Variants in SLC38A10 observed in about 807,000 individuals in gnomAD.
SLC38A10 encodes Sodium-coupled neutral amino acid transporter 10.
SLC38A10 carries 53 observed loss-of-function variants against 81.0 expected under a neutral mutation model. The ratio of observed to expected loss-of-function variants is 0.65; its 90% CI spans 0.53 to 0.82. The LOEUF is 0.82. Among genes scored for constraint, SLC38A10 ranks in the 40% least tolerant of loss-of-function variants. The pLI, the probability that SLC38A10 is intolerant of heterozygous loss-of-function variation, is 0.00. For missense variants in SLC38A10, 1,471 were observed against 1,545.0 expected (o/e 0.95, Z 0.80); for synonymous variants, 665 against 655.3 (o/e 1.01, Z -0.23).
intron 8 of SLC38A10, among the ~76,000 whole-genome samples, chr17:81,273,324 G>A (rs1458370367): frequency 1.3e-5 from 2 of 152,098 alleles, no homozygotes; most frequent in African/African-American, 4.8e-5. Context: ...CTCTAGTACA[G>A]GACACAGGAG....
Position 81,289,604 on chromosome 17 carries a change from A to G in SLC38A10, c.217+87T>C. ...CCTGCTATCCAAGGAATTCTTGAAG[A>G]ATCAAGTAGAGTAAATAAATAAATA... is the stretch of plus-strand genomic sequence containing the variant. On this transcript the variant is annotated intron_variant, in intron 2 of 15. Transcript: ENST00000374759. This position sits in a 1 kb window ranked among gnomAD's most constrained non-coding sequence, Gnocchi z 5.9. 3 of 884,586 alleles carry G rather than the reference A, an allele frequency of 3.4e-6. No homozygotes were observed. The African/African-American group carries it at 5.2e-5, about 15-fold the overall frequency. 54.8% of individuals were successfully genotyped at this position (884,586 alleles called of 1,614,324 possible).
intron 9 of SLC38A10, among the ~76,000 whole-genome samples, chr17:81,271,309 A>G (rs895399934): frequency 3.3e-5 from 5 of 152,198 alleles, no homozygotes; most frequent in African/African-American, 1.2e-4. Context: ...TGCGCACGGC[A>G]CGGCTCCTGC....
rs142561969 is a variant in SLC38A10 at position 81,259,254 on chromosome 17, G to A, written c.1288+984C>T. ...CTGGCCAGCACCTCCATAGCCGCCT[G>A]AGACCCCCAGCCAGAGCCGGCACTG... On this transcript the variant is annotated intron_variant, in intron 11 of 15. Transcript: ENST00000374759. 2.9e-3 allele frequency among the ~76,000 whole-genome samples: 446 copies of A among 152,298 alleles called. 2 individuals carry two copies. Among genetic ancestry groups the A allele is most frequent in the African/African-American group, 8.8e-3 (365 of 41,556 alleles).
In SLC38A10 at chr17:81,245,194, G is replaced by A. The variant is rs564250758; in HGVS notation, c.*362C>T. The A allele has an allele frequency of 1.1e-4, 27 of 246,286 alleles. No individual in the cohort carries two copies. Among genetic ancestry groups the A allele is most frequent in the Middle Eastern group, 1.3e-3 (1 of 774 alleles). 15.3% of individuals were successfully genotyped at this position (246,286 alleles called of 1,614,324 possible). On this transcript the variant is annotated 3_prime_UTR_variant, in exon 16 of 16. Coordinates refer to ENST00000374759, the MANE Select transcript of SLC38A10 (RefSeq NM_001037984.3). ...GCCGAGCTCAACCCGAAGACCACGC[G>A]TGCTCCCTGGCAGGAGCAGGAGGCC...
intron 6 of SLC38A10, among the ~76,000 whole-genome samples, chr17:81,278,801 C>T (rs1251490438): frequency 6.6e-6 from 1 of 152,186 alleles, no homozygotes; most frequent in Admixed American, 6.5e-5. Context: ...GCCCCCAATA[C>T]ACCCTGTGGG....
rs1353679196 is a variant in SLC38A10, at chr17:81,283,101, C to T, written c.357+308G>A. Among the ~76,000 whole-genome samples, 2 of 152,182 alleles carry T rather than the reference C, an allele frequency of 1.3e-5. No homozygotes were observed. Among genetic ancestry groups the T allele is most frequent in the African/African-American group, 4.8e-5 (2 of 41,454 alleles). The stretch of plus-strand genomic sequence containing the variant: ...CGGGGATGCCTGAGGGCCTGGCCGC[C>T]TCTGCCCTCCAATGGGCAGCCCGGG... On this transcript the variant is annotated intron_variant, in intron 4 of 15. Transcript: ENST00000374759. The surrounding 1 kb of genome is among the most constrained non-coding windows in gnomAD (Gnocchi z 4.7).
chr17:81,265,721 C>T lies in SLC38A10; in HGVS notation c.1131+5197G>A, dbSNP rs981158945. Among the ~76,000 whole-genome samples the T allele has an allele frequency of 3.9e-5, 6 of 152,230 alleles. No individual in the cohort carries two copies. The highest frequency in any genetic ancestry group is 9.6e-5 in the African/African-American group (4 of 41,462). ...GGAGCCCCTGGGACAGTGGCCACGCCGAGATGTGGCGCCACAGGCCCAGGG... is the reference window on the plus strand; with the variant it reads ...GGAGCCCCTGGGACAGTGGCCACGCTGAGATGTGGCGCCACAGGCCCAGGG... On this transcript the variant is annotated intron_variant, in intron 10 of 15. Transcript: ENST00000374759. This position sits in a 1 kb window ranked among gnomAD's most constrained non-coding sequence, Gnocchi z 4.2.
chr17:81,261,201 C>T (rs887573940), intron 10 of SLC38A10, among the ~76,000 whole-genome samples: 1 of 152,246 alleles, frequency 6.6e-6, no homozygotes, highest in African/African-American at 2.4e-5. Flanking sequence ...AAACTGTACA[C>T]TGCTTGGCCC....
rs1361958739 is a variant in SLC38A10, at chr17:81,245,233, A to G, written c.*323T>C. On this transcript the variant is annotated 3_prime_UTR_variant, in exon 16 of 16. Transcript: ENST00000374759. Reference sequence around the variant, plus strand: ...GAGCAGGAGGCCTGACCACAGACGCAGCAGCTCCCCAGCCTGAGCCTGGGA... The same window carrying G: ...GAGCAGGAGGCCTGACCACAGACGCGGCAGCTCCCCAGCCTGAGCCTGGGA... 5.7e-5 allele frequency: 17 copies of G among 295,680 alleles called. No homozygotes were observed. Among genetic ancestry groups the G allele is most frequent in the Non-Finnish European group, 7.0e-5 (11 of 158,232 alleles). 18.3% of individuals were successfully genotyped at this position (295,680 alleles called of 1,614,324 possible).
Position 81,284,941 on chromosome 17 carries a change from C to T in SLC38A10, c.218-46G>A, listed in dbSNP as rs1382980235. ...ACACTCAATCCAACAGCGTGAGAAGCTCGTCCAGAACAAAGGTACTGAGCC... is the reference window on the plus strand; with the variant it reads ...ACACTCAATCCAACAGCGTGAGAAGTTCGTCCAGAACAAAGGTACTGAGCC... On this transcript the variant is annotated intron_variant, in intron 2 of 15. Transcript: ENST00000374759. 3 of 1,517,394 alleles carry T rather than the reference C, an allele frequency of 2.0e-6. No homozygotes were observed. In the East Asian group the frequency reaches 7.7e-5, roughly 39 times the overall value. 94.0% of individuals were successfully genotyped at this position (1,517,394 alleles called of 1,614,324 possible). A position where few individuals can be genotyped will look rare whatever the true frequency, so the allele number is the denominator to read the frequency against.
At chr17:81,290,809 C>T (rs2063304264) in intron 1 of SLC38A10, among the ~76,000 whole-genome samples, 1 of 151,884 alleles carries the variant, frequency 6.6e-6, no homozygotes, top group South Asian at 2.1e-4. Context: ...AGATCGAGAC[C>T]CTCCTGGCCA....
At chr17:81,251,910 G>T in intron 13 of SLC38A10, 1 of 514,294 alleles carries the variant, frequency 1.9e-6, no homozygotes, top group Non-Finnish European at 3.2e-6. Context: ...CCTGTCAGGC[G>T]CCCCCCGCGC....
chr17:81,250,966 C>T (rs1266239377), intron 14 of SLC38A10: 11 of 1,313,366 alleles, frequency 8.4e-6, no homozygotes, highest in Non-Finnish European at 1.1e-5. Flanking sequence ...TAGATGAACA[C>T]AGCCGAGCTC....
At chr17:81,259,122 G>A (rs1182198815) in intron 11 of SLC38A10, among the ~76,000 whole-genome samples, 1 of 152,232 alleles carries the variant, frequency 6.6e-6, no homozygotes, top group East Asian at 1.9e-4. Context: ...CAGGGTCACG[G>A]CTGAGATGGC....
Position 81,256,866 on chromosome 17 carries a change from T to C in SLC38A10, c.1288+3372A>G, listed in dbSNP as rs138234759. 1.5e-3 allele frequency among the ~76,000 whole-genome samples: 232 copies of C among 152,364 alleles called. 3 individuals carry two copies. The East Asian group carries it at 0.041, about 27-fold the overall frequency. ...GGGGAATCCCAGGCTATCTGGCTCC[T>C]GGTACCCGGGTGTCTGGGCTGGCAA... On this transcript the variant is annotated intron_variant, in intron 11 of 15. Transcript: ENST00000374759.
chr17:81,259,320 C>A (rs1413304074), intron 11 of SLC38A10, among the ~76,000 whole-genome samples: 1 of 152,210 alleles, frequency 6.6e-6, no homozygotes, highest in Non-Finnish European at 1.5e-5. Flanking sequence ...TGACGCCCAG[C>A]GAATCTGACT....
intron 15 of SLC38A10, 44 bp from the exon 16 acceptor site, chr17:81,246,717 C>T (rs554928059): frequency 2.9e-5 from 44 of 1,502,760 alleles, no homozygotes; most frequent in East Asian, 1.6e-4. Flanking sequence ...GCACTGTACA[C>T]AGGCTGCCAG....
At position 81,270,296 on chromosome 17, in the gene SLC38A10, C is replaced by T. The variant is rs1210121964; in HGVS notation, c.1131+622G>A. On this transcript the variant is annotated intron_variant, in intron 10 of 15. Coordinates refer to ENST00000374759, the MANE Select transcript of SLC38A10 (RefSeq NM_001037984.3). The surrounding 1 kb of genome is among the most constrained non-coding windows in gnomAD (Gnocchi z 4.0). Reference sequence around the variant, plus strand: ...GCGTGCTCAAATACGTCGACATGCTCATGAACACAGATATTCATCGCGATT... The same window carrying T: ...GCGTGCTCAAATACGTCGACATGCTTATGAACACAGATATTCATCGCGATT... Among the ~76,000 whole-genome samples the T allele has an allele frequency of 6.6e-6, 1 of 152,226 alleles. No homozygotes were observed. The highest frequency in any genetic ancestry group is 2.4e-5 in the African/African-American group (1 of 41,454).
chr17:81,280,760 G>T (rs373117304), intron 5 of SLC38A10, 27 bp from the exon 6 acceptor site: 1 of 1,598,774 alleles, frequency 6.3e-7, no homozygotes, highest in South Asian at 1.1e-5. Flanking sequence ...GAGAGAGCAC[G>T]GGGCAGGTCA....
Sources: allele counts gnomAD v4.1 joint callset (sites outside exome capture counted in the v4.1 genomes callset), GRCh38; gene constraint gnomAD v4.1.1; non-coding constraint Gnocchi (gnomAD v3.1); transcripts MANE v1.5; gene names NCBI Gene and HGNC (gene_info 2026-07-23, HGNC 2026-07-21).